The following PDILT variants were observed in gnomAD, a reference collection of about 807,000 sequenced individuals.
The protein encoded by PDILT is protein disulfide-isomerase-like protein of the testis.
Under a neutral mutation model 53.7 loss-of-function variants are expected in PDILT, and 43 were observed. The ratio of observed to expected loss-of-function variants is 0.80; its 90% CI spans 0.63 to 1.03. PDILT has a LOEUF of 1.03. Among genes scored for constraint, PDILT ranks in the 50% least tolerant of loss-of-function variants. The pLI is 0.00. For synonymous variants in PDILT, 282 were observed against 274.2 expected (o/e 1.03, Z -0.28); for missense variants, 727 against 712.3 (o/e 1.02, Z -0.24).
chr16:20,389,855 C>G (rs1238309348), intron 2 of PDILT, among the ~76,000 whole-genome samples: 1 of 152,106 alleles, frequency 6.6e-6, no homozygotes, highest in Non-Finnish European at 1.5e-5. Context: ...GTCTGCCTTT[C>G]TTTAGACCAG....
intron 2 of PDILT, among the ~76,000 whole-genome samples, chr16:20,388,413 A>G (rs886652922): frequency 6.6e-6 from 1 of 152,164 alleles, no homozygotes; most frequent in Non-Finnish European, 1.5e-5. Context: ...AGTCAACTCG[A>G]AGGCTGACTG....
intron 4 of PDILT, among the ~76,000 whole-genome samples, chr16:20,375,620 A>G (rs1306184840): frequency 6.6e-6 from 1 of 152,206 alleles, no homozygotes; most frequent in Non-Finnish European, 1.5e-5. Context: ...GTTCTTCCCC[A>G]AACATCTCCT....
At chr16:20,361,869 T>C (rs1423144247) in intron 10 of PDILT, among the ~76,000 whole-genome samples, 2 of 152,200 alleles carry the variant, frequency 1.3e-5, no homozygotes, top group African/African-American at 4.8e-5. Flanking sequence ...CATACTCTTC[T>C]AAGGAGCAGG....
At chr16:20,370,526 G>A (rs1420575594) in intron 7 of PDILT, among the ~76,000 whole-genome samples, 1 of 152,182 alleles carries the variant, frequency 6.6e-6, no homozygotes, top group Non-Finnish European at 1.5e-5. Context: ...GCAAAGGCCT[G>A]AAGACAAAAC....
chr16:20,383,579 A>T (rs1301045761), intron 3 of PDILT, among the ~76,000 whole-genome samples: 2 of 151,846 alleles, frequency 1.3e-5, no homozygotes, highest in African/African-American at 4.8e-5. Flanking sequence ...TGTGTCTTTC[A>T]TGCCCTCTTG....
In PDILT at chr16:20,362,551, C is replaced by G. The variant is rs1214957634; in HGVS notation, c.1269G>C (p.Leu423=). 1.9e-6 allele frequency: 3 copies of G among 1,614,014 alleles called. No homozygotes were observed. The highest frequency in any genetic ancestry group is 1.7e-6 in the Non-Finnish European group (2 of 1,180,036). ...YAPWSKKCKM[L]FPLLEELGRK... is the part of the protein sequence containing the mutation. The stretch of plus-strand genomic sequence containing the variant: ...TGCCCAATTCCTCCAACAGTGGGAA[C>G]AGCATCTTGCACTTTTTAGACCAGG... The change falls in exon 10 of 12, where the codon CTG becomes CTC. Residue 423 remains leucine (L), a synonymous_variant. Transcript: ENST00000302451.
chr16:20,359,612 G>A, intron 11 of PDILT, 45 bp from the exon 12 acceptor site: 1 of 1,561,206 alleles, frequency 6.4e-7, no homozygotes, highest in Non-Finnish European at 8.8e-7. Flanking sequence ...AGGGAAGAAA[G>A]GGAGAAAGAA....
In PDILT at chr16:20,376,211, GAC is replaced by G; in HGVS notation, c.410-12_410-11del. The G allele has an allele frequency of 6.2e-7, 1 of 1,613,926 alleles. No homozygotes were observed. The highest frequency in any genetic ancestry group is 8.5e-7 in the Non-Finnish European group (1 of 1,179,920). On this transcript the variant is annotated splice_polypyrimidine_tract_variant and intron_variant, in intron 3 of 11. Transcript: ENST00000302451. Reference sequence around the variant, plus strand: ...GCAGATTCAACCACTCCTGGAGAAAGACACAGTCAAATAGATACCAGAGAAGT... The same window carrying G: ...GCAGATTCAACCACTCCTGGAGAAAGACAGTCAAATAGATACCAGAGAAGT...
chr16:20,391,299 C>A (rs1966604231), intron 2 of PDILT: 1 of 165,472 alleles, frequency 6.0e-6, no homozygotes, highest in South Asian at 1.4e-4. Context: ...CCATCATCGC[C>A]ATTGTCATCA....
At chr16:20,369,363 C>T in intron 8 of PDILT, 129 bp downstream of exon 8, 4 of 1,071,338 alleles carry the variant, frequency 3.7e-6, no homozygotes, top group Non-Finnish European at 5.6e-6. Flanking sequence ...GATTTCCCCA[C>T]ATTGAGCCAC....
At chr16:20,392,384 G>T (rs1473557630) in intron 2 of PDILT, among the ~76,000 whole-genome samples, 2 of 152,126 alleles carry the variant, frequency 1.3e-5, no homozygotes, top group Non-Finnish European at 2.9e-5. Flanking sequence ...TGAGAGGAAA[G>T]CTCCCCCAAC....
intron 8 of PDILT, among the ~76,000 whole-genome samples, chr16:20,365,810 C>T (rs374277201): frequency 9.3e-5 from 14 of 150,618 alleles, no homozygotes; most frequent in African/African-American, 2.7e-4. Flanking sequence ...AAGCCGGGCG[C>T]GGTGGCTCAC....
intron 10 of PDILT, among the ~76,000 whole-genome samples, chr16:20,361,348 G>T (rs939931348): frequency 1.1e-4 from 16 of 152,060 alleles, no homozygotes; most frequent in Admixed American, 7.9e-4. Context: ...ACCACGACTG[G>T]CTAATTTTAT....
chr16:20,362,609 C>T (rs761136706), intron 9 of PDILT, 27 bp from the exon 10 acceptor site: 3 of 1,610,714 alleles, frequency 1.9e-6, no homozygotes, highest in African/African-American at 1.3e-5. Context: ...ATGGCTCAGG[C>T]TCACATTGAT....
In PDILT at chr16:20,403,056, A is replaced by G. The variant is rs560089976; in HGVS notation, c.-8+1440T>C. On this transcript the variant is annotated intron_variant, in intron 1 of 11. Transcript: ENST00000302451. Reference sequence around the variant, plus strand: ...GAAACTTTTATTAATGAGAATAGCCAAAATCGAGGGGCTGGTCACCAGCCA... The same window carrying G: ...GAAACTTTTATTAATGAGAATAGCCGAAATCGAGGGGCTGGTCACCAGCCA... Among the ~76,000 whole-genome samples the G allele has an allele frequency of 8.5e-4, 129 of 152,276 alleles. 1 individual carries two copies. The highest frequency in any genetic ancestry group is 1.6e-3 in the Non-Finnish European group (112 of 68,012).
At chr16:20,392,857 A>G (rs1348074901) in intron 2 of PDILT, among the ~76,000 whole-genome samples, 1 of 152,214 alleles carries the variant, frequency 6.6e-6, no homozygotes, top group African/African-American at 2.4e-5. Context: ...TAAGAATTAA[A>G]GAACCATGAA....
chr16:20,374,974 A>G lies in PDILT; in HGVS notation c.544-15T>C, dbSNP rs771737062. 1.9e-6 allele frequency: 3 copies of G among 1,595,928 alleles called. No individual in the cohort carries two copies. The highest frequency in any genetic ancestry group is 1.3e-5 in the African/African-American group (1 of 74,400). On this transcript the variant is annotated splice_polypyrimidine_tract_variant and intron_variant, in intron 4 of 11. Coordinates refer to ENST00000302451, the MANE Select transcript of PDILT (RefSeq NM_174924.2). ...TCCTCTAAATCCTATTTGGGAAAGGATGTTTGGAAAGGCTTTGGTAGAAAT... is the reference window on the plus strand; with the variant it reads ...TCCTCTAAATCCTATTTGGGAAAGGGTGTTTGGAAAGGCTTTGGTAGAAAT...
At chr16:20,377,442 G>T (rs936523204) in intron 3 of PDILT, among the ~76,000 whole-genome samples, 1 of 152,176 alleles carries the variant, frequency 6.6e-6, no homozygotes, top group African/African-American at 2.4e-5. Flanking sequence ...CAGCCCTGGA[G>T]ATATAAGGAT....
chr16:20,365,844 A>G (rs1361154104), intron 8 of PDILT, among the ~76,000 whole-genome samples: 5 of 152,098 alleles, frequency 3.3e-5, no homozygotes, highest in Non-Finnish European at 7.4e-5. Context: ...GCACTTTGGG[A>G]GGCCGAGGCG....
Sources: allele counts gnomAD v4.1 joint callset (sites outside exome capture counted in the v4.1 genomes callset), GRCh38; gene constraint gnomAD v4.1.1; transcripts MANE v1.5; gene names NCBI Gene and HGNC (gene_info 2026-07-23, HGNC 2026-07-21).